HM13: variants seen among roughly 807,000 people sequenced by gnomAD.
HM13 encodes the protein signal peptide peptidase.
A neutral mutation model predicts 50.0 loss-of-function variants in HM13; 18 were observed. The ratio of observed to expected loss-of-function variants is 0.36; its 90% CI spans 0.25 to 0.53. The LOEUF (loss-of-function observed/expected upper bound fraction) is 0.53. HM13 is among the 20% of genes least tolerant of loss of function. HM13 has a pLI of 0.90. For missense variants in HM13, 393 were observed against 552.4 expected (o/e 0.71, Z 2.89); for synonymous variants, 197 against 232.6 (o/e 0.85, Z 1.39).
intron 3 of HM13, chr20:31,540,559 A>G (rs1983387715): frequency 2.0e-5 from 3 of 152,218 alleles, no homozygotes; most frequent in African/African-American, 7.2e-5. Context: ...CCTACAATGA[A>G]GATCTTATCT....
At chr20:31,533,697 G>A (rs1267039662) in intron 2 of HM13, among the ~76,000 whole-genome samples, 1 of 152,140 alleles carries the variant, frequency 6.6e-6, no homozygotes, top group Non-Finnish European at 1.5e-5. Flanking sequence ...CCTTTTGCTT[G>A]TGTCTTTCAC....
chr20:31,557,018 CAA>C (rs11479053), intron 8 of HM13, among the ~76,000 whole-genome samples: 1,116 of 100,386 alleles, frequency 0.011, 7 homozygotes, highest in African/African-American at 0.03. Flanking sequence ...GACTCCATCT[CAA>C]AAAAAAAAAA....
At chr20:31,516,522 A>G (rs1269294777) in intron 1 of HM13, among the ~76,000 whole-genome samples, 2 of 152,200 alleles carry the variant, frequency 1.3e-5, no homozygotes, top group Admixed American at 6.5e-5. Flanking sequence ...ATCTGGGACA[A>G]TGCAGGGAGG....
At chr20:31,565,584 G>C (rs376934770) in intron 10 of HM13, among the ~76,000 whole-genome samples, 3 of 152,168 alleles carry the variant, frequency 2.0e-5, no homozygotes, top group South Asian at 4.2e-4. Flanking sequence ...TAACCATCAT[G>C]GGATGTGGCA....
At position 31,514,453 on chromosome 20, in the gene HM13, C is replaced by T. The variant is rs945134513; in HGVS notation, c.-99C>T. 7.4e-7 allele frequency: 1 copy of T among 1,344,596 alleles called. No individual in the cohort carries two copies. The highest frequency in any genetic ancestry group is 1.0e-6 in the Non-Finnish European group (1 of 985,642). 83.3% of individuals were successfully genotyped at this position (1,344,596 alleles called of 1,614,324 possible). Reference sequence around the variant, plus strand: ...GGAGGGAGCACGTCACTTCCTGTTGCCTTAGGGGAACGTGGCTTTCCCTGC... The same window carrying T: ...GGAGGGAGCACGTCACTTCCTGTTGTCTTAGGGGAACGTGGCTTTCCCTGC... On this transcript the variant is annotated 5_prime_UTR_variant, in exon 1 of 13. Transcript: ENST00000398174. The surrounding 1 kb of genome is among the most constrained non-coding windows in gnomAD (Gnocchi z 4.3).
intron 10 of HM13, among the ~76,000 whole-genome samples, chr20:31,562,965 T>C (rs1025352205): frequency 1.3e-5 from 2 of 152,156 alleles, no homozygotes; most frequent in Admixed American, 6.5e-5. Flanking sequence ...CGGCCCCTTA[T>C]TGGAGTCCAA....
chr20:31,514,723 G>A lies in HM13; in HGVS notation c.172G>A (p.Ala58Thr). The change falls in exon 1 of 13, where the codon GCC becomes ACC. Residue 58 changes from alanine (A) to threonine (T), a missense_variant. Coordinates refer to ENST00000398174, the MANE Select transcript of HM13 (RefSeq NM_178581.3). The surrounding 1 kb of genome is among the most constrained non-coding windows in gnomAD (Gnocchi z 4.3). ...CGGCGCCCTGCGCTCCGTACGCTGC[G>A]CCCGCGGCAAGGTAGGGTCAGCGGG... ...FFGALRSVRC[A>T]RGKNASDMPE... 6.5e-7 allele frequency: 1 copy of A among 1,536,174 alleles called. No individual in the cohort carries two copies. The highest frequency in any genetic ancestry group is 8.8e-7 in the Non-Finnish European group (1 of 1,141,792).
At position 31,567,989 on chromosome 20, in the gene HM13, C is replaced by G. The variant is rs1289768335; in HGVS notation, c.1035-89C>G. 3.4e-6 allele frequency: 4 copies of G among 1,180,272 alleles called. No individual in the cohort carries two copies. The Admixed American group carries it at 1.1e-4, about 31-fold the overall frequency. 73.1% of individuals were successfully genotyped at this position (1,180,272 alleles called of 1,614,324 possible). On this transcript the variant is annotated intron_variant, in intron 11 of 12. Coordinates refer to ENST00000398174, the MANE Select transcript of HM13 (RefSeq NM_178581.3). The stretch of plus-strand genomic sequence containing the variant: ...TAGGTAAAAACAAGACAGTTCTGCT[C>G]TCTGCTCCTTGGAAAGGAAGTCTCT...
chr20:31,529,891 C>T (rs1004616816), intron 2 of HM13, among the ~76,000 whole-genome samples: 5 of 151,988 alleles, frequency 3.3e-5, no homozygotes. Flanking sequence ...CGCTTGAACC[C>T]GGGAGGCAGA....
intron 10 of HM13, chr20:31,562,414 T>G (rs180736620): frequency 6.5e-6 from 1 of 152,744 alleles, no homozygotes; most frequent in African/African-American, 2.4e-5. Flanking sequence ...TGTGAACAGG[T>G]GGGGAAACTG....
intron 11 of HM13, among the ~76,000 whole-genome samples, chr20:31,566,921 C>T (rs966478707): frequency 2.6e-4 from 39 of 152,150 alleles, no homozygotes; most frequent in African/African-American, 9.4e-4. Flanking sequence ...ACTGCCGACC[C>T]TGCCTGCCAG....
At chr20:31,556,585 A>C (rs1196894077) in intron 8 of HM13, among the ~76,000 whole-genome samples, 1 of 152,236 alleles carries the variant, frequency 6.6e-6, no homozygotes, top group Non-Finnish European at 1.5e-5. Context: ...AGTAAGCAAC[A>C]GGGCCAGGAC....
At chr20:31,565,100 A>G (rs1281802691) in intron 10 of HM13, among the ~76,000 whole-genome samples, 1 of 149,756 alleles carries the variant, frequency 6.7e-6, no homozygotes, top group Non-Finnish European at 1.5e-5. Context: ...TGGGAGGCAG[A>G]GCTTGCAGTG....
intron 1 of HM13, among the ~76,000 whole-genome samples, chr20:31,525,714 G>A (rs1445861578): frequency 6.6e-6 from 1 of 151,692 alleles, no homozygotes; most frequent in South Asian, 2.1e-4. Context: ...AGAGACCACT[G>A]TGATCCTGGA....
chr20:31,545,907 G>A (rs557295227), intron 4 of HM13, among the ~76,000 whole-genome samples: 2 of 152,136 alleles, frequency 1.3e-5, no homozygotes, highest in South Asian at 4.2e-4. Flanking sequence ...ATGCTAGCCA[G>A]GCTGGTCTCA....
Position 31,540,182 on chromosome 20 carries a change from C to T in HM13, c.365+1921C>T, listed in dbSNP as rs182537802. On this transcript the variant is annotated intron_variant, in intron 3 of 12. Transcript: ENST00000398174. ...CTTCACCCACAAAATTCTATTCTAGCTAGCTTGGGAGAATTCTAGTCCAGC... is the reference window on the plus strand; with the variant it reads ...CTTCACCCACAAAATTCTATTCTAGTTAGCTTGGGAGAATTCTAGTCCAGC... The T allele has an allele frequency of 2.0e-3, 306 of 152,398 alleles. 1 individual carries two copies. The highest frequency in any genetic ancestry group is 0.014 in the South Asian group (68 of 4,834). The allele number at this position is 152,398 out of a possible 1,614,324, so 9.4% of individuals were successfully genotyped here.
chr20:31,553,413 G>T (rs1281311748), intron 7 of HM13, among the ~76,000 whole-genome samples: 1 of 152,158 alleles, frequency 6.6e-6, no homozygotes, highest in Non-Finnish European at 1.5e-5. Context: ...ACCTGGGAAG[G>T]CTGCCTAACA....
At chr20:31,539,182 G>A in intron 3 of HM13, 5 of 985,474 alleles carry the variant, frequency 5.1e-6, no homozygotes, top group Non-Finnish European at 6.0e-6. Flanking sequence ...CCATTCTGCA[G>A]GACTATCCCA....
At chr20:31,561,895 G>T (rs535541001) in intron 10 of HM13, among the ~76,000 whole-genome samples, 159 bp downstream of exon 10, 66 of 152,238 alleles carry the variant, frequency 4.3e-4, no homozygotes, top group Non-Finnish European at 8.4e-4. Context: ...ATTTGTGGTT[G>T]CAAGATGGCT....
Sources: allele counts gnomAD v4.1 joint callset (sites outside exome capture counted in the v4.1 genomes callset), GRCh38; gene constraint gnomAD v4.1.1; non-coding constraint Gnocchi (gnomAD v3.1); transcripts MANE v1.5; gene names NCBI Gene and HGNC (gene_info 2026-07-23, HGNC 2026-07-21).